The following PRAMEF5 variants were observed in gnomAD, a reference collection of about 807,000 sequenced individuals.
The protein encoded by PRAMEF5 is PRAME family member 23.
A neutral mutation model predicts 16.4 loss-of-function variants in PRAMEF5; 5 were observed. That is an observed-to-expected ratio of 0.30 (90% CI 0.16 to 0.64). The LOEUF (loss-of-function observed/expected upper bound fraction) is 0.64, where lower values mean the gene tolerates loss of function less well. PRAMEF5 is among the 30% of genes least tolerant of loss of function. The pLI, the probability that PRAMEF5 is intolerant of heterozygous loss-of-function variation, is 0.80. For synonymous variants in PRAMEF5, 19 were observed against 107.3 expected, an observed-to-expected ratio of 0.18 and a Z score of 5.09; for missense variants, 36 against 282.9, an observed-to-expected ratio of 0.13 and a Z score of 6.26.
exon 3 of PRAMEF5, chr1:13,260,670 C>G (rs1169206692): frequency 2.2e-6 from 1 of 452,106 alleles, no homozygotes. Context: ...GGATGTCTCT[C>G]GCTACGTTTC....
At chr1:13,259,838 C>T (rs1553173720) in intron 2 of PRAMEF5, 3,490 of 271,674 alleles carry the variant, frequency 0.013, 16 homozygotes, top group African/African-American at 0.085. Flanking sequence ...GAGGCTGAGG[C>T]CAAGAGTTGG....
downstream of PRAMEF5, chr1:13,263,318 T>C: frequency 4.9e-6 from 3 of 606,950 alleles, no homozygotes; most frequent in Non-Finnish European, 8.9e-6. Context: ...GGGACCTGTG[T>C]CCTGTAGAGT....
intron 3 of PRAMEF5, 194 bp from the exon 4 acceptor site, chr1:13,262,356 C>T (rs1553173204): frequency 0.028 from 7,659 of 272,426 alleles, 122 homozygotes; most frequent in African/African-American, 0.1. Context: ...GTTACTGGGC[C>T]GGGCCTAAAG....
rs1639404442 is a variant in PRAMEF5, at chr1:13,262,460, G to A, written c.870-90G>A. 9 of 314,778 alleles carry A rather than the reference G, an allele frequency of 2.9e-5. 3 individuals are homozygous for A. The allele number at this position is 314,778 out of a possible 1,614,324, so 19.5% of individuals were successfully genotyped here. A position where few individuals can be genotyped will look rare whatever the true frequency, so the allele number is the denominator to read the frequency against. On this transcript the variant is annotated intron_variant, in intron 3 of 3. Coordinates refer to ENST00000622421, the Ensembl canonical transcript of PRAMEF5. ...AATGACCCTGGACTTGGGCAAAATGGTCTCCATCCATTACCTTGAAGCCAT... is the reference window on the plus strand; with the variant it reads ...AATGACCCTGGACTTGGGCAAAATGATCTCCATCCATTACCTTGAAGCCAT...
downstream of PRAMEF5, chr1:13,263,397 T>A: frequency 1.7e-6 from 1 of 588,492 alleles, no homozygotes; most frequent in South Asian, 2.1e-5. Flanking sequence ...CTTGGATGCA[T>A]GGTTGTAAAG....
At chr1:13,259,999 A>T (rs1459094818) in intron 2 of PRAMEF5, 2 of 615,192 alleles carry the variant, frequency 3.3e-6, no homozygotes, top group Non-Finnish European at 5.5e-6. Flanking sequence ...CAGTGAGGTG[A>T]CATCACACCA....
At chr1:13,263,262 G>C (rs1211592107) in exon 4 of PRAMEF5, 1 of 1,383,408 alleles carries the variant, frequency 7.2e-7, no homozygotes, top group Non-Finnish European at 1.0e-6. Flanking sequence ...GATCAAGCAG[G>C]GGCAGGACTT....
At chr1:13,260,118 A>G in intron 2 of PRAMEF5, 104 bp from the exon 3 acceptor site, 1 of 1,544,070 alleles carries the variant, frequency 6.5e-7, no homozygotes, top group Non-Finnish European at 8.8e-7. Flanking sequence ...AAAGTCAGAG[A>G]GAGGGACAAG....
chr1:13,259,985 G>C, intron 2 of PRAMEF5: 1 of 552,180 alleles, frequency 1.8e-6, no homozygotes, highest in East Asian at 3.7e-5. Context: ...GGAAGCAGAG[G>C]TTGCAGTGAG....
intron 1 of PRAMEF5, chr1:13,255,776 C>CTT (rs1174990976): frequency 4.6e-4 from 10 of 21,678 alleles, no homozygotes; most frequent in African/African-American, 6.0e-4. Context: ...TTTTCTTTTT[C>CTT]TTTTTTTTTT....
intron 3 of PRAMEF5, chr1:13,261,303 A>G: frequency 2.4e-3 from 1 of 412 alleles, no homozygotes; most frequent in Admixed American, 0.01. Flanking sequence ...ATGGAGTTTC[A>G]CTTTGATCGT....
At chr1:13,262,011 T>A (rs1639397725) in intron 3 of PRAMEF5, 1 of 126,528 alleles carries the variant, frequency 7.9e-6, no homozygotes, top group Non-Finnish European at 1.7e-5. Flanking sequence ...GTGAACTTGA[T>A]CCATTCCTAT....
At chr1:13,255,807 G>T (rs866785180) in intron 1 of PRAMEF5, 7 of 66,178 alleles carry the variant, frequency 1.1e-4, no homozygotes, top group South Asian at 5.8e-4. Context: ...TTTTTTTTTT[G>T]AATCTAGCCT....
At chr1:13,258,728 CAAAG>C (rs1366968863) in intron 1 of PRAMEF5, 1 of 74,478 alleles carries the variant, frequency 1.3e-5, no homozygotes, top group African/African-American at 4.0e-5. Flanking sequence ...GAGGAGGAAA[CAAAG>C]AAAGAAGGGA....
chr1:13,262,456 A>G lies in PRAMEF5; in HGVS notation c.870-94A>G. ...TCAGAATGACCCTGGACTTGGGCAAAATGGTCTCCATCCATTACCTTGAAG... is the reference window on the plus strand; with the variant it reads ...TCAGAATGACCCTGGACTTGGGCAAGATGGTCTCCATCCATTACCTTGAAG... On this transcript the variant is annotated intron_variant, in intron 3 of 3. Coordinates refer to ENST00000622421, the Ensembl canonical transcript of PRAMEF5. 3.0e-5 allele frequency: 10 copies of G among 336,896 alleles called. 4 individuals are homozygous for G. The highest frequency in any genetic ancestry group is 4.8e-5 in the Non-Finnish European group (10 of 208,276). 20.9% of individuals were successfully genotyped at this position (336,896 alleles called of 1,614,324 possible). A position where few individuals can be genotyped will look rare whatever the true frequency, so the allele number is the denominator to read the frequency against.
intron 2 of PRAMEF5, 100 bp from the exon 3 acceptor site, chr1:13,260,122 G>A (rs1447630847): frequency 6.5e-7 from 1 of 1,546,994 alleles, no homozygotes; most frequent in Non-Finnish European, 8.8e-7. Flanking sequence ...TCAGAGAGAG[G>A]GACAAGAAGC....
downstream of PRAMEF5, chr1:13,263,320 C>A (rs1639424768): frequency 9.9e-6 from 6 of 606,574 alleles, no homozygotes; most frequent in Non-Finnish European, 1.8e-5. Context: ...GACCTGTGTC[C>A]TGTAGAGTGG....
chr1:13,261,997 T>C (rs1639397437), intron 3 of PRAMEF5: 1 of 111,760 alleles, frequency 8.9e-6, no homozygotes, highest in African/African-American at 3.3e-5. Flanking sequence ...GCTTTAGGGA[T>C]TCTGTGAACT....
At chr1:13,259,888 A>G (rs1553173713) in intron 2 of PRAMEF5, 10 of 378,024 alleles carry the variant, frequency 2.6e-5, no homozygotes, top group African/African-American at 2.4e-4. Context: ...AACTCTACTA[A>G]AAATACAAAA....
Sources: allele counts gnomAD v4.1 joint callset, GRCh38; gene constraint gnomAD v4.1.1; transcripts MANE v1.5; gene names NCBI Gene and HGNC (gene_info 2026-07-23, HGNC 2026-07-21).